TOLLIP: variants seen among roughly 807,000 people sequenced by gnomAD.
TOLLIP encodes the protein toll interacting protein.
A neutral mutation model predicts 33.5 loss-of-function variants in TOLLIP; 16 were observed. The observed-to-expected ratio is 0.48, with a 90% CI of 0.32 to 0.72. The LOEUF is 0.72. TOLLIP is among the 30% of genes least tolerant of loss of function. The pLI is 0.03. For missense variants in TOLLIP, 325 were observed against 396.6 expected (o/e 0.82, Z 1.53); for synonymous variants, 176 against 163.7 (o/e 1.07, Z -0.57).
intron 4 of TOLLIP, among the ~76,000 whole-genome samples, chr11:1,288,394 C>T (rs544434926): frequency 4.3e-4 from 66 of 152,352 alleles, no homozygotes; most frequent in Non-Finnish European, 8.7e-4. Context: ...CAAACAACCC[C>T]TATGCTGTTT....
At chr11:1,302,610 G>C in intron 1 of TOLLIP, 5 of 986,936 alleles carry the variant, frequency 5.1e-6, no homozygotes, top group Non-Finnish European at 6.0e-6. Context: ...TGGCACTCCA[G>C]CCAGCCTCGG....
Position 1,276,715 on chromosome 11 carries a change from A to G in TOLLIP, c.*324T>C, listed in dbSNP as rs1323950687. 7.0e-7 allele frequency: 1 copy of G among 1,432,938 alleles called. No homozygotes were observed. Among genetic ancestry groups the G allele is most frequent in the Non-Finnish European group, 9.3e-7 (1 of 1,080,892 alleles). The allele number at this position is 1,432,938 out of a possible 1,614,324, so 88.8% of individuals were successfully genotyped here. The stretch of plus-strand genomic sequence containing the variant: ...CGGAAGGCGCTCCACCACCTCCAAC[A>G]CCCTGGCAGAAGCAGCTGCTCTCTA... On this transcript the variant is annotated 3_prime_UTR_variant, in exon 6 of 6. Transcript: ENST00000317204.
At chr11:1,309,063 T>A (rs1478559143) in intron 1 of TOLLIP, among the ~76,000 whole-genome samples, 1 of 149,846 alleles carries the variant, frequency 6.7e-6, no homozygotes, top group Non-Finnish European at 1.5e-5. Flanking sequence ...CATTCGGGAG[T>A]CAGAGCTCGG....
intron 5 of TOLLIP, among the ~76,000 whole-genome samples, chr11:1,285,335 C>A (rs1360428876): frequency 1.3e-5 from 2 of 152,272 alleles, no homozygotes; most frequent in Non-Finnish European, 2.9e-5. Context: ...CCCCCTAGCA[C>A]CTCCTCTCAG....
At chr11:1,288,974 C>T (rs916780125) in intron 3 of TOLLIP, among the ~76,000 whole-genome samples, 198 bp from the exon 4 acceptor site, 45 of 152,262 alleles carry the variant, frequency 3.0e-4, no homozygotes. Flanking sequence ...TAGGGGACTT[C>T]TTCCCTCTCT....
At position 1,287,384 on chromosome 11, in the gene TOLLIP, T is replaced by C. The variant is rs1590213305; in HGVS notation, c.519+1240A>G. Among the ~76,000 whole-genome samples the C allele has an allele frequency of 4.0e-5, 5 of 125,138 alleles. 1 individual carries two copies. Among genetic ancestry groups the C allele is most frequent in the Admixed American group, 2.3e-4 (3 of 13,168 alleles). 82.1% of individuals were successfully genotyped at this position (125,138 alleles called of 152,430 possible). On this transcript the variant is annotated intron_variant, in intron 4 of 5. Transcript: ENST00000317204. ...AGCCAAGATGGCCCAGAAAAGCAGC[T>C]CCCTGCTGCTGCCTCCCCGCCGCAG...
chr11:1,293,747 CTG>C (rs891627315), intron 2 of TOLLIP, among the ~76,000 whole-genome samples: 1 of 152,250 alleles, frequency 6.6e-6, no homozygotes, highest in Non-Finnish European at 1.5e-5. Context: ...GGAGCTTGAA[CTG>C]TGTGAGGTGG....
chr11:1,300,555 A>G (rs1864238635), intron 1 of TOLLIP, among the ~76,000 whole-genome samples: 1 of 152,246 alleles, frequency 6.6e-6, no homozygotes, highest in Non-Finnish European at 1.5e-5. Context: ...CCCACTGTGA[A>G]TATTCCTGTT....
Position 1,288,606 on chromosome 11 carries a change from C to T in TOLLIP, c.519+18G>A. On this transcript the variant is annotated intron_variant, in intron 4 of 5. Transcript: ENST00000317204. ...ACATACCCCAATGCGCCCCACCCCG[C>T]CCAGGCGTGCAGCTCACCGCGTAGG... 1 of 1,601,618 alleles carries T rather than the reference C, an allele frequency of 6.2e-7. No homozygotes were observed. Among genetic ancestry groups the T allele is most frequent in the Non-Finnish European group, 8.5e-7 (1 of 1,173,238 alleles).
rs1053801817 is a variant in TOLLIP, at chr11:1,277,962, G to C, written c.611-709C>G. ...CTCAGTGCACTGGGGCCACCGTCCA[G>C]GGTTCCTGGCATCTCCACCCCACAG... On this transcript the variant is annotated intron_variant, in intron 5 of 5. Transcript: ENST00000317204. This position sits in a 1 kb window ranked among gnomAD's most constrained non-coding sequence, Gnocchi z 4.2. Among the ~76,000 whole-genome samples the C allele has an allele frequency of 6.6e-6, 1 of 152,314 alleles. No homozygotes were observed. The highest frequency in any genetic ancestry group is 1.9e-4 in the East Asian group (1 of 5,182).
At chr11:1,302,614 G>C in intron 1 of TOLLIP, 2 of 987,230 alleles carry the variant, frequency 2.0e-6, no homozygotes, top group Non-Finnish European at 2.4e-6. Context: ...ACTCCAGCCA[G>C]CCTCGGCCTC....
At position 1,290,892 on chromosome 11, in the gene TOLLIP, G is replaced by T. The variant is rs5743950; in HGVS notation, c.184-483C>A. ...CTGCTGCACATAATTCAGACGCCAC[G>T]TGGCTGCTTTCCTCCCTCGTGAAGG... On this transcript the variant is annotated intron_variant, in intron 2 of 5. Coordinates refer to ENST00000317204, the MANE Select transcript of TOLLIP (RefSeq NM_019009.4). The surrounding 1 kb of genome is among the most constrained non-coding windows in gnomAD (Gnocchi z 4.9). The T allele has an allele frequency of 1.7e-3, 271 of 155,636 alleles. 1 individual carries two copies. Among genetic ancestry groups the T allele is most frequent in the Non-Finnish European group, 3.2e-3 (223 of 70,058 alleles). 9.6% of individuals were successfully genotyped at this position (155,636 alleles called of 1,614,324 possible). A position where few individuals can be genotyped will look rare whatever the true frequency, so the allele number is the denominator to read the frequency against.
chr11:1,279,480 C>A (rs956333610), intron 5 of TOLLIP, among the ~76,000 whole-genome samples: 6 of 152,198 alleles, frequency 3.9e-5, no homozygotes, highest in Admixed American at 2.6e-4. Context: ...TGGGGCCTGG[C>A]GGAGAGCAAA....
chr11:1,306,787 G>A (rs1323247362), intron 1 of TOLLIP, among the ~76,000 whole-genome samples: 4 of 151,862 alleles, frequency 2.6e-5, no homozygotes, highest in East Asian at 3.9e-4. Flanking sequence ...AGGACCCTCC[G>A]GCGGCCTCCA....
intron 1 of TOLLIP, among the ~76,000 whole-genome samples, chr11:1,304,943 T>G (rs1313191662): frequency 6.6e-6 from 1 of 152,230 alleles, no homozygotes; most frequent in Admixed American, 6.5e-5. Context: ...CTTCTTAGAT[T>G]TGACTTTTTA....
intron 5 of TOLLIP, among the ~76,000 whole-genome samples, chr11:1,284,746 G>T (rs552488563): frequency 6.6e-6 from 1 of 152,210 alleles, no homozygotes; most frequent in African/African-American, 2.4e-5. Flanking sequence ...TGGCACCTGC[G>T]CGGGCGGCTT....
intron 1 of TOLLIP, among the ~76,000 whole-genome samples, 175 bp from the exon 2 acceptor site, chr11:1,295,969 G>A (rs1864102138): frequency 6.6e-6 from 1 of 152,106 alleles, no homozygotes; most frequent in Non-Finnish European, 1.5e-5. Flanking sequence ...AGGGTGTCCA[G>A]CCTGGGGCCT....
In TOLLIP at chr11:1,274,546, T is replaced by G. The variant is rs182108346; in HGVS notation, c.*2493A>C. 1 of 152,112 alleles carries G rather than the reference T, an allele frequency of 6.6e-6. No individual in the cohort carries two copies. The highest frequency in any genetic ancestry group is 6.5e-5 in the Admixed American group (1 of 15,276). 9.4% of individuals were successfully genotyped at this position (152,112 alleles called of 1,614,324 possible). ...CACTCCTGCCTGGCACCCTGCAGGG[T>G]AGCGCCCAGGGAGCATCTGCAGAGG... On this transcript the variant is annotated 3_prime_UTR_variant, in exon 6 of 6. Transcript: ENST00000317204.
Position 1,276,842 on chromosome 11 carries a change from C to T in TOLLIP, c.*197G>A. ...CCAGCACGAGATGGGAGGGGAGCCC[C>T]CGCCCCGTCCTGGACCGCCAGGAAC... is the stretch of plus-strand genomic sequence containing the variant. On this transcript the variant is annotated 3_prime_UTR_variant, in exon 6 of 6. Coordinates refer to ENST00000317204, the MANE Select transcript of TOLLIP (RefSeq NM_019009.4). The T allele has an allele frequency of 6.5e-7, 1 of 1,532,546 alleles. No individual in the cohort carries two copies. The highest frequency in any genetic ancestry group is 1.2e-5 in the South Asian group (1 of 83,350). The allele number at this position is 1,532,546 out of a possible 1,614,324, so 94.9% of individuals were successfully genotyped here.
Sources: allele counts gnomAD v4.1 joint callset (sites outside exome capture counted in the v4.1 genomes callset), GRCh38; gene constraint gnomAD v4.1.1; non-coding constraint Gnocchi (gnomAD v3.1); transcripts MANE v1.5; gene names NCBI Gene and HGNC (gene_info 2026-07-23, HGNC 2026-07-21).